Variants in CFAP418 observed in about 807,000 individuals in gnomAD.
CFAP418 encodes cilia- and flagella-associated protein 418.
CFAP418 carries 27 observed loss-of-function variants against 24.7 expected under a neutral mutation model. The ratio of observed to expected loss-of-function variants is 1.09; its 90% CI spans 0.81 to 1.51. The LOEUF (loss-of-function observed/expected upper bound fraction) is 1.51, where lower values mean the gene tolerates loss of function less well. Ranked by LOEUF, CFAP418 falls within the 40% of genes most tolerant of loss-of-function variation. The pLI, the probability that CFAP418 is intolerant of heterozygous loss-of-function variation, is 0.00. For synonymous variants in CFAP418, 74 were observed against 87.3 expected (o/e 0.85, Z 0.85); for missense variants, 257 against 255.2 (o/e 1.01, Z -0.05).
intron 1 of CFAP418, chr8:95,268,785 CGGG>C: frequency 1.6e-5 from 2 of 124,450 alleles, no homozygotes; most frequent in South Asian, 3.4e-4. Flanking sequence ...CGGGGCGGGG[CGGG>C]GCGGGGGCCA....
At chr8:95,264,267 C>T (rs1676841592) in intron 1 of CFAP418, among the ~76,000 whole-genome samples, 2 of 152,088 alleles carry the variant, frequency 1.3e-5, no homozygotes, top group Non-Finnish European at 2.9e-5. Flanking sequence ...ATTTGTTAGA[C>T]AGAATATCTC....
intron 2 of CFAP418, 77 bp from the exon 3 acceptor site, chr8:95,260,609 C>T (rs748992373): frequency 1.0e-5 from 8 of 773,740 alleles, no homozygotes; most frequent in Non-Finnish European, 1.6e-5. Context: ...TTCCTTATAA[C>T]AAGAATATTT....
intron 1 of CFAP418, among the ~76,000 whole-genome samples, chr8:95,268,183 G>C (rs1326115722): frequency 2.0e-5 from 3 of 152,090 alleles, no homozygotes; most frequent in African/African-American, 4.8e-5. Context: ...GCGATGGCTC[G>C]CAACTGTAAT....
At chr8:95,254,022 T>A (rs1281630992) in intron 4 of CFAP418, among the ~76,000 whole-genome samples, 1 of 152,246 alleles carries the variant, frequency 6.6e-6, no homozygotes, top group African/African-American at 2.4e-5. Flanking sequence ...TCAAATCTAT[T>A]CACACCACCA....
chr8:95,267,555 C>G (rs920894673), intron 1 of CFAP418, among the ~76,000 whole-genome samples: 1 of 152,156 alleles, frequency 6.6e-6, no homozygotes, highest in African/African-American at 2.4e-5. Flanking sequence ...GGCCACTGCA[C>G]TCCAGCCTGG....
At position 95,252,402 on chromosome 8, in the gene CFAP418, A is replaced by G. The variant is rs1005300256; in HGVS notation, c.375-119T>C. 4.7e-6 allele frequency: 3 copies of G among 634,030 alleles called. No individual in the cohort carries two copies. The South Asian group carries it at 6.7e-5, about 14-fold the overall frequency. 39.3% of individuals were successfully genotyped at this position (634,030 alleles called of 1,614,324 possible). Reference sequence around the variant, plus strand: ...TTACAGATTACTGAATAAACAACAGAAAAGTACAGATTAATCTGATTATAA... The same window carrying G: ...TTACAGATTACTGAATAAACAACAGGAAAGTACAGATTAATCTGATTATAA... On this transcript the variant is annotated intron_variant, in intron 4 of 5. Transcript: ENST00000286688.
chr8:95,263,083 T>C (rs1811920652), intron 2 of CFAP418, among the ~76,000 whole-genome samples: 1 of 152,104 alleles, frequency 6.6e-6, no homozygotes, highest in Non-Finnish European at 1.5e-5. Context: ...GAATAGGATT[T>C]AGAGAGGTCT....
At chr8:95,250,391 A>G (rs78713077) in intron 5 of CFAP418, among the ~76,000 whole-genome samples, 8,006 of 152,306 alleles carry the variant, frequency 0.053, 289 homozygotes, top group Non-Finnish European at 0.074. Context: ...GATCTAGGGT[A>G]AACCAACTGG....
At position 95,247,717 on chromosome 8, in the gene CFAP418, C is replaced by T; in HGVS notation, c.524G>A (p.Gly175Glu). The T allele has an allele frequency of 1.2e-6, 2 of 1,613,060 alleles. No individual in the cohort carries two copies. Among genetic ancestry groups the T allele is most frequent in the Middle Eastern group, 1.7e-4 (1 of 6,054 alleles). ...KLKAKLIKKK[G>E]TRAYACQCSW... Reference sequence around the variant, plus strand: ...ACACTGGCAGGCATATGCCCGTGTTCCTTTCTTCTTTATCAACTTTGCTTT... The same window carrying T: ...ACACTGGCAGGCATATGCCCGTGTTTCTTTCTTCTTTATCAACTTTGCTTT... The change falls in exon 6 of 6, where the codon GGA (glycine) becomes GAA (glutamate). Residue 175 changes from glycine to glutamate, a missense_variant. By Grantham distance (98) the Gly-to-Glu change is moderately conservative. Transcript: ENST00000286688.
At chr8:95,253,209 C>T (rs1587350968) in intron 4 of CFAP418, among the ~76,000 whole-genome samples, 1 of 152,098 alleles carries the variant, frequency 6.6e-6, no homozygotes, top group East Asian at 1.9e-4. Context: ...ACTCAGGAGG[C>T]TGAGGCAGGA....
intron 4 of CFAP418, among the ~76,000 whole-genome samples, chr8:95,258,381 C>CAAAAAAAAAAAA (rs61473559): frequency 8.1e-5 from 4 of 49,636 alleles, no homozygotes; most frequent in Non-Finnish European, 1.2e-4. Context: ...GACTCTGTCT[C>CAAAAAAAAAAAA]AAAAAAAAAA....
chr8:95,255,177 T>C (rs544535952), intron 4 of CFAP418, among the ~76,000 whole-genome samples: 24 of 152,278 alleles, frequency 1.6e-4, no homozygotes, highest in East Asian at 1.2e-3. Flanking sequence ...ATCTGGCCCA[T>C]TGAACACAGG....
intron 4 of CFAP418, among the ~76,000 whole-genome samples, chr8:95,255,968 T>C (rs765410407): frequency 3.3e-5 from 5 of 152,232 alleles, no homozygotes; most frequent in Admixed American, 3.3e-4. Context: ...CCTGCGCATA[T>C]ATATGCAACT....
chr8:95,265,330 C>G (rs1811960549), intron 1 of CFAP418, among the ~76,000 whole-genome samples: 2 of 152,128 alleles, frequency 1.3e-5, no homozygotes, highest in African/African-American at 4.8e-5. Context: ...CTCTCTGAAA[C>G]TCAAATATTT....
At position 95,247,461 on chromosome 8, in the gene CFAP418, C is replaced by T; in HGVS notation, c.*156G>A. On this transcript the variant is annotated 3_prime_UTR_variant, in exon 6 of 6. Transcript: ENST00000286688. ...GTTATAATACATGATCTTCCTTAGT[C>T]CATTTGGTCTTCAAAAATGTATGTA... 1 of 735,066 alleles carries T rather than the reference C, an allele frequency of 1.4e-6. No individual in the cohort carries two copies. The highest frequency in any genetic ancestry group is 2.7e-5 in the East Asian group (1 of 37,022). 45.5% of individuals were successfully genotyped at this position (735,066 alleles called of 1,614,324 possible).
chr8:95,266,060 C>T (rs1811973571), intron 1 of CFAP418, among the ~76,000 whole-genome samples: 1 of 152,170 alleles, frequency 6.6e-6, no homozygotes, highest in South Asian at 2.1e-4. Flanking sequence ...TCTAGATCTA[C>T]TATGTCCTTG....
intron 5 of CFAP418, 56 bp from the exon 6 acceptor site, chr8:95,247,826 T>TAAAAAA: frequency 9.0e-7 from 1 of 1,110,536 alleles, no homozygotes; most frequent in Non-Finnish European, 1.2e-6. Flanking sequence ...GCTTAATGAT[T>TAAAAAA]AAAAAAAAAA....
chr8:95,249,064 GA>G (rs1007420947), intron 5 of CFAP418, among the ~76,000 whole-genome samples: 6 of 152,044 alleles, frequency 3.9e-5, no homozygotes, highest in African/African-American at 7.2e-5. Context: ...TTAACAGAAA[GA>G]AAAAAACCCC....
intron 4 of CFAP418, among the ~76,000 whole-genome samples, chr8:95,257,825 C>T (rs762196958): frequency 1.3e-5 from 2 of 152,126 alleles, no homozygotes; most frequent in Non-Finnish European, 2.9e-5. Context: ...TACTTTGAAT[C>T]ATTATTTGAG....
Sources: allele counts gnomAD v4.1 joint callset (sites outside exome capture counted in the v4.1 genomes callset), GRCh38; gene constraint gnomAD v4.1.1; transcripts MANE v1.5; gene names NCBI Gene and HGNC (gene_info 2026-07-23, HGNC 2026-07-21).